ATF6: variants seen among roughly 807,000 people sequenced by gnomAD.
The protein encoded by ATF6 is activating transcription factor 6, also known as cyclic AMP-dependent transcription factor ATF-6 alpha.
A neutral mutation model predicts 83.6 loss-of-function variants in ATF6; 53 were observed. The observed-to-expected ratio is 0.63, with a 90% CI of 0.51 to 0.80. The LOEUF (loss-of-function observed/expected upper bound fraction) is 0.80. Ranked by LOEUF, ATF6 falls within the 30% of genes least tolerant of loss-of-function variation. ATF6 has a pLI of 0.00. For missense variants in ATF6, 744 were observed against 797.9 expected (o/e 0.93, Z 0.81); for synonymous variants, 288 against 285.8 (o/e 1.01, Z -0.08).
At chr1:161,921,041 T>TTTTG (rs1269175885) in intron 15 of ATF6, among the ~76,000 whole-genome samples, 1 of 151,976 alleles carries the variant, frequency 6.6e-6, no homozygotes, top group Non-Finnish European at 1.5e-5. Context: ...ATCCGTTGTT[T>TTTTG]TTTGTTTGTT....
At chr1:161,793,453 A>G (rs531150647) in intron 6 of ATF6, among the ~76,000 whole-genome samples, 2 of 152,354 alleles carry the variant, frequency 1.3e-5, no homozygotes, top group East Asian at 1.9e-4. Context: ...TGATTTATAA[A>G]TGTGTATTAA....
In ATF6 at chr1:161,960,446, G is replaced by A. The variant is rs1689074189; in HGVS notation, c.*1792G>A. The A allele has an allele frequency of 6.6e-6, 1 of 152,216 alleles. No individual in the cohort carries two copies. The highest frequency in any genetic ancestry group is 1.5e-5 in the Non-Finnish European group (1 of 68,040). The allele number at this position is 152,216 out of a possible 1,614,324, so 9.4% of individuals were successfully genotyped here. A position where few individuals can be genotyped will look rare whatever the true frequency, so the allele number is the denominator to read the frequency against. ...TATGCAGCTAGTTAGTTTTCTGCCT[G>A]TGAAATTAGGTCTGGCTCCTAAATA... On this transcript the variant is annotated 3_prime_UTR_variant, in exon 16 of 16. Transcript: ENST00000367942.
chr1:161,846,391 C>CA, intron 9 of ATF6, 58 bp from the exon 10 acceptor site: 2 of 1,522,204 alleles, frequency 1.3e-6, no homozygotes, highest in Non-Finnish European at 1.8e-6. Flanking sequence ...CTGCATGTAG[C>CA]AGGCATATGT....
At chr1:161,850,725 T>C (rs1686599029) in intron 10 of ATF6, among the ~76,000 whole-genome samples, 1 of 152,160 alleles carries the variant, frequency 6.6e-6, no homozygotes. Flanking sequence ...TCTCACTATG[T>C]TCAGTTTTAT....
chr1:161,900,106 A>C (rs1285369097), intron 14 of ATF6, among the ~76,000 whole-genome samples: 1 of 152,182 alleles, frequency 6.6e-6, no homozygotes, highest in African/African-American at 2.4e-5. Flanking sequence ...CTGATTCACC[A>C]AAAATTGCAT....
At chr1:161,817,121 A>T (rs1358793094) in intron 7 of ATF6, among the ~76,000 whole-genome samples, 1 of 152,214 alleles carries the variant, frequency 6.6e-6, no homozygotes, top group Non-Finnish European at 1.5e-5. Context: ...GGGCACGTGG[A>T]TTGACAGCCT....
chr1:161,916,990 C>T (rs1688113792), intron 15 of ATF6, among the ~76,000 whole-genome samples: 1 of 152,126 alleles, frequency 6.6e-6, no homozygotes, highest in Non-Finnish European at 1.5e-5. Context: ...AGGTTTCCTC[C>T]TGTATCTCCT....
chr1:161,889,886 G>A (rs1303985664), intron 14 of ATF6, among the ~76,000 whole-genome samples: 1 of 152,166 alleles, frequency 6.6e-6, no homozygotes. Flanking sequence ...AAAGCCTTTA[G>A]GGAAAAGGTA....
chr1:161,893,032 TG>T (rs1687591533), intron 14 of ATF6, among the ~76,000 whole-genome samples: 1 of 152,200 alleles, frequency 6.6e-6, no homozygotes, highest in Non-Finnish European at 1.5e-5. Context: ...GCTATATGGT[TG>T]GTATTTTTAA....
intron 15 of ATF6, among the ~76,000 whole-genome samples, chr1:161,936,616 T>G (rs1468571641): frequency 6.6e-6 from 1 of 152,234 alleles, no homozygotes; most frequent in East Asian, 1.9e-4. Context: ...TCTTCTTACC[T>G]ATGAAGCTGT....
intron 14 of ATF6, among the ~76,000 whole-genome samples, chr1:161,910,270 G>T (rs1687964149): frequency 6.6e-6 from 1 of 151,992 alleles, no homozygotes; most frequent in Admixed American, 6.6e-5. Context: ...TACCAGCTTT[G>T]GTTCCCTGCA....
At position 161,912,550 on chromosome 1, in the gene ATF6, T is replaced by TA. The variant is rs1051015030; in HGVS notation, c.1804+178dup. On this transcript the variant is annotated intron_variant, in intron 15 of 15. Coordinates refer to ENST00000367942, the MANE Select transcript of ATF6 (RefSeq NM_007348.4). ...TTATTTTTAAGATCCATTATTCTTT[T>TA]AAAAAAAATTACTACATCCCTAAAA... is the stretch of plus-strand genomic sequence containing the variant. Among the ~76,000 whole-genome samples the TA allele has an allele frequency of 2.6e-5, 4 of 152,244 alleles. No homozygotes were observed. In the South Asian group the frequency reaches 8.3e-4, roughly 32 times the overall value.
At chr1:161,884,668 G>A (rs1478999417) in intron 14 of ATF6, among the ~76,000 whole-genome samples, 3 of 152,070 alleles carry the variant, frequency 2.0e-5, no homozygotes, top group Non-Finnish European at 4.4e-5. Context: ...CCAGCAATGA[G>A]CAAAGCAAAC....
chr1:161,811,675 C>CATCCATCCATGCACT (rs1685461511), intron 7 of ATF6, among the ~76,000 whole-genome samples: 1 of 151,878 alleles, frequency 6.6e-6, no homozygotes. Context: ...CCTACCCATC[C>CATCCATCCATGCACT]ATCCATCCAT....
chr1:161,933,428 C>T (rs1214976095), intron 15 of ATF6, among the ~76,000 whole-genome samples: 1 of 152,152 alleles, frequency 6.6e-6, no homozygotes, highest in Non-Finnish European at 1.5e-5. Context: ...AGTTGTAAGA[C>T]ACAATTAGAA....
chr1:161,896,193 T>C (rs1274774283), intron 14 of ATF6, among the ~76,000 whole-genome samples: 2 of 152,182 alleles, frequency 1.3e-5, no homozygotes, highest in Non-Finnish European at 2.9e-5. Context: ...CTGCAACCTC[T>C]ACCTCCCGGT....
intron 15 of ATF6, among the ~76,000 whole-genome samples, chr1:161,947,810 CTTTTTTTTTTTTTTTTT>C (rs10524670): frequency 1.7e-5 from 1 of 57,580 alleles, no homozygotes; most frequent in Non-Finnish European, 2.8e-5. Context: ...TAAGCCACGC[CTTTTTTTTTTTTTTTTT>C]TTTTTTTTTT....
intron 14 of ATF6, among the ~76,000 whole-genome samples, chr1:161,889,389 T>C (rs1687502094): frequency 3.3e-5 from 5 of 152,226 alleles, no homozygotes; most frequent in African/African-American, 1.2e-4. Flanking sequence ...GTCGCTTCCC[T>C]TCCACAGGTG....
intron 15 of ATF6, among the ~76,000 whole-genome samples, chr1:161,947,278 A>G (rs1247184240): frequency 6.6e-6 from 1 of 151,756 alleles, no homozygotes; most frequent in African/African-American, 2.4e-5. Context: ...ATGGAAAATT[A>G]CTAAGTGGAA....
Sources: gnomAD v4.1 joint callset for allele counts (sites outside exome capture counted in the v4.1 genomes callset) on GRCh38, gnomAD v4.1.1 for gene constraint, MANE v1.5 for transcripts, NCBI Gene and HGNC (gene_info 2026-07-23, HGNC 2026-07-21) for gene names.